Variants in DDAH1 observed in about 807,000 individuals in gnomAD.
The protein encoded by DDAH1 is N(G),N(G)-dimethylarginine dimethylaminohydrolase 1.
DDAH1 carries 19 observed loss-of-function variants against 28.8 expected under a neutral mutation model. The ratio of observed to expected loss-of-function variants is 0.66; its 90% CI spans 0.46 to 0.97. The LOEUF (loss-of-function observed/expected upper bound fraction) is 0.97. Among genes scored for constraint, DDAH1 ranks in the 50% least tolerant of loss-of-function variants. The probability of loss-of-function intolerance (pLI) is 0.00; values close to 1 mark genes in which losing one functional copy is unlikely to be tolerated. For missense variants in DDAH1, 326 were observed against 375.9 expected, an observed-to-expected ratio of 0.87 and a Z score of 1.10; for synonymous variants, 153 against 154.4, an observed-to-expected ratio of 0.99 and a Z score of 0.07.
intron 1 of DDAH1, among the ~76,000 whole-genome samples, chr1:85,520,300 T>C (rs1570636207): frequency 6.6e-6 from 1 of 152,236 alleles, no homozygotes; most frequent in Admixed American, 6.5e-5. Context: ...TTCAAAGAAC[T>C]GTACTTAGAA....
At chr1:85,450,969 G>T (rs1034810114) in intron 1 of DDAH1, among the ~76,000 whole-genome samples, 2 of 152,194 alleles carry the variant, frequency 1.3e-5, no homozygotes, top group African/African-American at 4.8e-5. Context: ...AGTACCTTTT[G>T]ACTCAGTTGA....
intron 1 of DDAH1, among the ~76,000 whole-genome samples, chr1:85,498,724 G>T (rs1294749528): frequency 1.3e-5 from 2 of 152,126 alleles, no homozygotes; most frequent in Non-Finnish European, 2.9e-5. Context: ...TTTGAGACTA[G>T]CCTGGACAAC....
chr1:85,336,763 A>C (rs1648155208), intron 4 of DDAH1, among the ~76,000 whole-genome samples: 1 of 152,102 alleles, frequency 6.6e-6, no homozygotes, highest in South Asian at 2.1e-4. Context: ...GAAAAAATAA[A>C]GAAAATTGAT....
At chr1:85,443,516 T>C (rs1012137136) in intron 1 of DDAH1, among the ~76,000 whole-genome samples, 2 of 152,206 alleles carry the variant, frequency 1.3e-5, no homozygotes, top group African/African-American at 4.8e-5. Flanking sequence ...GGGGGCTCTT[T>C]GTTGGTTCCA....
intron 1 of DDAH1, among the ~76,000 whole-genome samples, chr1:85,503,389 C>G (rs368314764): frequency 4.6e-5 from 7 of 152,198 alleles, no homozygotes; most frequent in African/African-American, 1.7e-4. Context: ...TTAGTAGAAA[C>G]GGGTTTTCAC....
chr1:85,541,546 G>A (rs534533072), intron 1 of DDAH1, among the ~76,000 whole-genome samples: 58 of 152,304 alleles, frequency 3.8e-4, no homozygotes, highest in African/African-American at 1.3e-3. Flanking sequence ...TTGTTCATGT[G>A]TTTGTTTATG....
At chr1:85,565,332 A>G (rs535674599) in intron 1 of DDAH1, among the ~76,000 whole-genome samples, 1 of 152,380 alleles carries the variant, frequency 6.6e-6, no homozygotes, top group South Asian at 2.1e-4. Flanking sequence ...TCCAATATCC[A>G]GTAAAAATAT....
At chr1:85,405,815 T>C (rs1652377869) in intron 1 of DDAH1, among the ~76,000 whole-genome samples, 2 of 152,218 alleles carry the variant, frequency 1.3e-5, no homozygotes, top group South Asian at 4.1e-4. Context: ...GGTGCAAGAC[T>C]ATCCCGTTCT....
rs1361158236 is a variant in DDAH1 at position 85,560,745 on chromosome 1, T to A, written c.-123+17239A>T. Among the ~76,000 whole-genome samples, 21 of 152,082 alleles carry A rather than the reference T, an allele frequency of 1.4e-4. 1 individual carries two copies. Among genetic ancestry groups the A allele is most frequent in the Admixed American group, 1.4e-3 (21 of 15,276 alleles). On this transcript the variant is annotated intron_variant, in intron 1 of 6. Coordinates refer to the DDAH1 transcript ENST00000426972. ...TTAAATCCTTTGGAGAAACTAAGTA[T>A]CAATTCTGACTGAACTGATTATTGC...
At position 85,531,919 on chromosome 1, in the gene DDAH1, A is replaced by C. The variant is rs543963829; in HGVS notation, c.-122-35638T>G. Among the ~76,000 whole-genome samples the C allele has an allele frequency of 2.0e-5, 3 of 152,070 alleles. No individual in the cohort carries two copies. In the South Asian group the frequency reaches 6.3e-4, roughly 32 times the overall value. On this transcript the variant is annotated intron_variant, in intron 1 of 6. Transcript: ENST00000426972. ...AGGGCTGGAATTTAGACTACTACTG[A>C]ATAGTGAGTGGTTCTACAATAAATT...
intron 1 of DDAH1, among the ~76,000 whole-genome samples, chr1:85,424,815 A>T (rs1653317713): frequency 6.6e-6 from 1 of 152,056 alleles, no homozygotes; most frequent in Non-Finnish European, 1.5e-5. Context: ...TATAATCATA[A>T]AAAAGTTATA....
intron 1 of DDAH1, among the ~76,000 whole-genome samples, chr1:85,505,303 T>C (rs532820083): frequency 3.9e-5 from 6 of 152,234 alleles, no homozygotes; most frequent in African/African-American, 1.4e-4. Context: ...TCTTATTATA[T>C]GTCTTACACC....
chr1:85,364,628 A>G, intron 1 of DDAH1, among the ~76,000 whole-genome samples: 1 of 152,022 alleles, frequency 6.6e-6, no homozygotes, highest in South Asian at 2.1e-4. Context: ...GCTCACTGCA[A>G]CCTTCGCCTC....
At chr1:85,505,724 CA>C (rs1656989390) in intron 1 of DDAH1, among the ~76,000 whole-genome samples, 1 of 152,104 alleles carries the variant, frequency 6.6e-6, no homozygotes, top group East Asian at 1.9e-4. Context: ...ATTAAAGGGT[CA>C]GAAAGAATCC....
At chr1:85,349,692 G>A (rs1243488789) in intron 4 of DDAH1, among the ~76,000 whole-genome samples, 1 of 152,206 alleles carries the variant, frequency 6.6e-6, no homozygotes, top group African/African-American at 2.4e-5. Context: ...CAAGTGCAAA[G>A]GAGCATAATG....
At chr1:85,526,529 A>G (rs1260831144) in intron 1 of DDAH1, among the ~76,000 whole-genome samples, 1 of 152,114 alleles carries the variant, frequency 6.6e-6, no homozygotes, top group Non-Finnish European at 1.5e-5. Flanking sequence ...CCAGGAACTC[A>G]TATTTCATGG....
At chr1:85,450,415 CTCTT>C (rs1174204437) in intron 1 of DDAH1, among the ~76,000 whole-genome samples, 1 of 152,158 alleles carries the variant, frequency 6.6e-6, no homozygotes, top group Non-Finnish European at 1.5e-5. Flanking sequence ...TAAGAGTAGT[CTCTT>C]TCTATCAGGA....
chr1:85,392,750 G>A (rs1330323839), intron 1 of DDAH1, among the ~76,000 whole-genome samples: 23 of 145,566 alleles, frequency 1.6e-4, no homozygotes, highest in African/African-American at 5.3e-4. Flanking sequence ...CCGAGATCGC[G>A]CCACTGCACT....
intron 1 of DDAH1, among the ~76,000 whole-genome samples, chr1:85,381,454 T>C (rs181536402): frequency 1.3e-5 from 2 of 152,138 alleles, no homozygotes; most frequent in African/African-American, 4.8e-5. Flanking sequence ...CCGAGAAGTA[T>C]ACACGTTACC....
Sources: gnomAD v4.1 joint callset for allele counts (sites outside exome capture counted in the v4.1 genomes callset) on GRCh38, gnomAD v4.1.1 for gene constraint, MANE v1.5 for transcripts, NCBI Gene and HGNC (gene_info 2026-07-23, HGNC 2026-07-21) for gene names.